Variants in IQGAP2 observed in about 807,000 individuals in gnomAD.
IQGAP2 encodes the protein IQ motif containing GTPase activating protein 2, also known as ras GTPase-activating-like protein IQGAP2.
A neutral mutation model predicts 201.3 loss-of-function variants in IQGAP2; 173 were observed. The ratio of observed to expected loss-of-function variants is 0.86; its 90% CI spans 0.76 to 0.98. The LOEUF (loss-of-function observed/expected upper bound fraction) is 0.98, where lower values mean the gene tolerates loss of function less well. Ranked by LOEUF, IQGAP2 falls within the 50% of genes least tolerant of loss-of-function variation. The pLI is 0.00. For missense variants in IQGAP2, 1,687 were observed against 1,864.8 expected (o/e 0.90, Z 1.76); for synonymous variants, 675 against 673.9 (o/e 1.00, Z -0.03).
intron 21 of IQGAP2, among the ~76,000 whole-genome samples, chr5:76,662,974 G>T (rs1743396328): frequency 6.6e-6 from 1 of 152,190 alleles, no homozygotes; most frequent in African/African-American, 2.4e-5. Context: ...GACCTGGAAG[G>T]CAACAGATGT....
At chr5:76,667,724 C>G (rs538387418) in intron 22 of IQGAP2, among the ~76,000 whole-genome samples, 1 of 152,178 alleles carries the variant, frequency 6.6e-6, no homozygotes, top group Non-Finnish European at 1.5e-5. Flanking sequence ...TCCCCCTTCT[C>G]ACTCTGTGTA....
At chr5:76,536,776 A>AG (rs1305745808) in intron 2 of IQGAP2, among the ~76,000 whole-genome samples, 1 of 152,134 alleles carries the variant, frequency 6.6e-6, no homozygotes, top group African/African-American at 2.4e-5. Context: ...AAAAAAAAAA[A>AG]AATTTGGTAA....
Position 76,654,959 on chromosome 5 carries a change from C to T in IQGAP2, c.2276C>T (p.Ser759Leu). The T allele has an allele frequency of 6.2e-7, 1 of 1,612,488 alleles. No individual in the cohort carries two copies. The highest frequency in any genetic ancestry group is 8.5e-7 in the Non-Finnish European group (1 of 1,178,742). ...DHNNEIVKIQ[S>L]LLRANKARDD... is the part of the protein sequence containing the mutation. Reference sequence around the variant, plus strand: ...AATAATGAAATTGTGAAAATACAGTCACTGTTGAGAGCGAACAAAGCTAGA... The same window carrying T: ...AATAATGAAATTGTGAAAATACAGTTACTGTTGAGAGCGAACAAAGCTAGA... The change falls in exon 20 of 36, where the codon TCA (serine) becomes TTA (leucine). Residue 759 changes from serine (S) to leucine (L), a missense_variant. Coordinates refer to ENST00000274364, the MANE Select transcript of IQGAP2 (RefSeq NM_006633.5).
At chr5:76,496,250 G>A (rs1258142835) in intron 2 of IQGAP2, among the ~76,000 whole-genome samples, 1 of 152,108 alleles carries the variant, frequency 6.6e-6, no homozygotes, top group African/African-American at 2.4e-5. Flanking sequence ...TAGCTTTATG[G>A]GTCCTCTACT....
intron 2 of IQGAP2, among the ~76,000 whole-genome samples, chr5:76,490,008 T>A (rs1476396145): frequency 6.6e-6 from 1 of 152,116 alleles, no homozygotes; most frequent in East Asian, 1.9e-4. Context: ...GTGAAGAGAG[T>A]TCTGTTGGCA....
intron 1 of IQGAP2, among the ~76,000 whole-genome samples, chr5:76,424,177 T>C (rs1751875249): frequency 6.6e-6 from 1 of 152,230 alleles, no homozygotes; most frequent in Admixed American, 6.5e-5. Flanking sequence ...GTGAGGGGCT[T>C]CAATATTGTT....
intron 2 of IQGAP2, among the ~76,000 whole-genome samples, chr5:76,500,915 A>G (rs182989419): frequency 8.3e-4 from 126 of 152,286 alleles, no homozygotes; most frequent in African/African-American, 2.9e-3. Context: ...CAGAATGTTT[A>G]GGTAAATTGC....
chr5:76,509,712 T>C (rs1757841147), intron 2 of IQGAP2, among the ~76,000 whole-genome samples: 1 of 152,066 alleles, frequency 6.6e-6, no homozygotes, highest in Admixed American at 6.6e-5. Context: ...CTTTTTAAAC[T>C]GTCTTTATGT....
intron 2 of IQGAP2, among the ~76,000 whole-genome samples, chr5:76,561,526 G>A (rs551909296): frequency 1.6e-4 from 24 of 152,298 alleles, no homozygotes; most frequent in African/African-American, 5.5e-4. Flanking sequence ...CAGTAGCTGG[G>A]TGGCAGGGAG....
At chr5:76,441,411 C>T in intron 1 of IQGAP2, 1 of 730,550 alleles carries the variant, frequency 1.4e-6, no homozygotes, top group Non-Finnish European at 1.7e-6. Context: ...AATTAACTAC[C>T]TAAAGTACCT....
chr5:76,690,817 C>G (rs1746198091), intron 30 of IQGAP2, among the ~76,000 whole-genome samples: 1 of 152,224 alleles, frequency 6.6e-6, no homozygotes. Context: ...CAGCACATCT[C>G]AGTTTGTACT....
chr5:76,473,805 C>T (rs1755259513), intron 2 of IQGAP2, among the ~76,000 whole-genome samples: 1 of 152,132 alleles, frequency 6.6e-6, no homozygotes, highest in South Asian at 2.1e-4. Flanking sequence ...TCAAAGAATG[C>T]TTGGCTTTTT....
intron 22 of IQGAP2, among the ~76,000 whole-genome samples, chr5:76,667,912 T>TGTG (rs887364463): frequency 6.9e-6 from 1 of 145,080 alleles, no homozygotes; most frequent in Non-Finnish European, 1.5e-5. Flanking sequence ...ATACAGAGTC[T>TGTG]GTGTTGTCTA....
Position 76,431,467 on chromosome 5 carries a change from A to T in IQGAP2, c.46+27876A>T, listed in dbSNP as rs199715171. Among the ~76,000 whole-genome samples the T allele has an allele frequency of 2.0e-5, 3 of 152,110 alleles. No homozygotes were observed. In the East Asian group the frequency reaches 5.8e-4, roughly 29 times the overall value. ...TACAGTAGGTGTGGCATGGGCACAG[A>T]TGGGCACTAGTCTGTTTGGCATGCT... On this transcript the variant is annotated intron_variant, in intron 1 of 35. Transcript: ENST00000274364.
At chr5:76,518,976 G>A (rs1758505592) in intron 2 of IQGAP2, among the ~76,000 whole-genome samples, 1 of 152,094 alleles carries the variant, frequency 6.6e-6, no homozygotes, top group Admixed American at 6.5e-5. Context: ...AATAAGATCT[G>A]CTCCCATACC....
rs74932568 is a variant in IQGAP2 at position 76,570,366 on chromosome 5, T to A, written c.304-214T>A. On this transcript the variant is annotated intron_variant, in intron 3 of 35. Coordinates refer to ENST00000274364, the MANE Select transcript of IQGAP2 (RefSeq NM_006633.5). ...TAGTTCAGAATTTACCTCAAACGTG[T>A]GAATTATGGAAATTCATGGTTCATC... 3.2e-3 allele frequency among the ~76,000 whole-genome samples: 482 copies of A among 152,346 alleles called. 3 individuals carry two copies. Among genetic ancestry groups the A allele is most frequent in the African/African-American group, 0.011 (458 of 41,586 alleles).
At chr5:76,601,980 T>G (rs1747459098) in intron 11 of IQGAP2, among the ~76,000 whole-genome samples, 1 of 152,196 alleles carries the variant, frequency 6.6e-6, no homozygotes, top group Non-Finnish European at 1.5e-5. Flanking sequence ...CCACCACTGT[T>G]TCTGTTACTT....
intron 1 of IQGAP2, among the ~76,000 whole-genome samples, chr5:76,445,275 G>A (rs1299987506): frequency 5.3e-5 from 8 of 152,078 alleles, no homozygotes; most frequent in Non-Finnish European, 8.8e-5. Flanking sequence ...TGTCTGCTCT[G>A]GCCACTTGCC....
At chr5:76,551,987 C>A (rs1196358398) in intron 2 of IQGAP2, among the ~76,000 whole-genome samples, 2 of 152,002 alleles carry the variant, frequency 1.3e-5, no homozygotes, top group East Asian at 3.9e-4. Flanking sequence ...ACAGCCTCAC[C>A]CTCTCACACT....
Sources: gnomAD v4.1 joint callset for allele counts (sites outside exome capture counted in the v4.1 genomes callset) on GRCh38, gnomAD v4.1.1 for gene constraint, MANE v1.5 for transcripts, NCBI Gene and HGNC (gene_info 2026-07-23, HGNC 2026-07-21) for gene names.